Variants in POU2F1 observed in about 807,000 individuals in gnomAD.
POU2F1 encodes POU class 2 homeobox 1, also known as POU domain, class 2, transcription factor 1.
Under a neutral mutation model 84.9 loss-of-function variants are expected in POU2F1, and 16 were observed. That is an observed-to-expected ratio of 0.19 (90% CI 0.13 to 0.29). The LOEUF (loss-of-function observed/expected upper bound fraction) is 0.29, where lower values mean the gene tolerates loss of function less well. Ranked by LOEUF, POU2F1 falls within the 10% of genes least tolerant of loss-of-function variation. The probability of loss-of-function intolerance (pLI) is 1.00; values close to 1 mark genes in which losing one functional copy is unlikely to be tolerated. For synonymous variants in POU2F1, 368 were observed against 368.3 expected (o/e 1.00, Z 0.01); for missense variants, 738 against 942.6 (o/e 0.78, Z 2.84).
chr1:167,242,902 CA>C (rs2102377599), intron 1 of POU2F1, among the ~76,000 whole-genome samples: 1 of 152,276 alleles, frequency 6.6e-6, no homozygotes, highest in South Asian at 2.1e-4. Flanking sequence ...TGTATACAGA[CA>C]TACGTATATT....
rs191851777 is a variant in POU2F1, at chr1:167,301,713, C to A, written c.62-30757C>A. 3.4e-3 allele frequency among the ~76,000 whole-genome samples: 515 copies of A among 152,292 alleles called. 7 individuals carry two copies. Among genetic ancestry groups the A allele is most frequent in the Non-Finnish European group, 5.6e-3 (384 of 68,000 alleles). ...TGGAAGGGTGGGTAGGTTTTTCTTA[C>A]TCCTTACAGTTCCTGGTTGGGAGGG... On this transcript the variant is annotated intron_variant, in intron 1 of 15. Coordinates refer to ENST00000367866, the MANE Select transcript of POU2F1 (RefSeq NM_002697.4).
rs772274978 is a variant in POU2F1 at position 167,371,954 on chromosome 1, C to T, written c.320C>T (p.Pro107Leu). The T allele has an allele frequency of 6.2e-7, 1 of 1,614,180 alleles. No individual in the cohort carries two copies. Among genetic ancestry groups the T allele is most frequent in the Non-Finnish European group, 8.5e-7 (1 of 1,180,026 alleles). Reference protein sequence around the residue: ...SNEESGDSQQPSQPSQQPSVQ... With the variant: ...SNEESGDSQQLSQPSQQPSVQ... ...GAAGAATCGGGGGATTCGCAGCAGC[C>T]AAGCCAGCCTTCCCAGCAGCCTTCA... The change falls in exon 5 of 16, where the codon CCA becomes CTA. Residue 107 changes from proline (P) to leucine (L), a missense_variant. Transcript: ENST00000367866.
chr1:167,247,741 C>T (rs1398457738), intron 1 of POU2F1, among the ~76,000 whole-genome samples: 2 of 152,116 alleles, frequency 1.3e-5, no homozygotes, highest in African/African-American at 2.4e-5. Context: ...TTGGAAAAGA[C>T]AAACCTAGCT....
chr1:167,417,008 A>G lies in POU2F1; in HGVS notation c.*1198A>G, dbSNP rs1157866443. 6.6e-6 allele frequency: 1 copy of G among 152,210 alleles called. No individual in the cohort carries two copies. The highest frequency in any genetic ancestry group is 2.4e-5 in the African/African-American group (1 of 41,446). 9.4% of individuals were successfully genotyped at this position (152,210 alleles called of 1,614,324 possible). A position where few individuals can be genotyped will look rare whatever the true frequency, so the allele number is the denominator to read the frequency against. Reference sequence around the variant, plus strand: ...CTTTAACTAACTTGGCAAAGAAAAAAAACTGACTTACTGAAATTGGGAAAC... The same window carrying G: ...CTTTAACTAACTTGGCAAAGAAAAAGAACTGACTTACTGAAATTGGGAAAC... On this transcript the variant is annotated 3_prime_UTR_variant, in exon 16 of 16. Coordinates refer to ENST00000367866, the MANE Select transcript of POU2F1 (RefSeq NM_002697.4).
At chr1:167,311,052 G>T (rs183661305) in intron 1 of POU2F1, among the ~76,000 whole-genome samples, 6 of 152,184 alleles carry the variant, frequency 3.9e-5, no homozygotes, top group Non-Finnish European at 8.8e-5. Context: ...AGAGGGTAGG[G>T]CTGAAAAGTA....
chr1:167,393,546 T>C (rs1194703875), intron 9 of POU2F1, among the ~76,000 whole-genome samples: 1 of 152,164 alleles, frequency 6.6e-6, no homozygotes, highest in Non-Finnish European at 1.5e-5. Context: ...TGGCTCTGGC[T>C]GGAGTGCAGT....
At chr1:167,375,898 G>A (rs1284776007) in intron 6 of POU2F1, 131 bp from the exon 7 acceptor site, 4 of 1,144,828 alleles carry the variant, frequency 3.5e-6, no homozygotes, top group Non-Finnish European at 3.7e-6. Context: ...ACCCTGTTTG[G>A]AATATGAAAG....
intron 1 of POU2F1, among the ~76,000 whole-genome samples, chr1:167,265,521 G>A (rs950815868): frequency 6.6e-6 from 1 of 152,192 alleles, no homozygotes; most frequent in East Asian, 1.9e-4. Flanking sequence ...AGCATGTGGT[G>A]AAGGTTAAAG....
chr1:167,413,074 C>T lies in POU2F1; in HGVS notation c.1950C>T (p.Ser650=). Residue 650 remains serine (S), a synonymous_variant, in exon 15 of 16, where the codon AGC becomes AGT. Transcript: ENST00000367866. ...LNPGTLSGAL[S]PALMSNSTLA... The stretch of plus-strand genomic sequence containing the variant: ...CAGGGACCCTGAGCGGTGCTCTCAG[C>T]CCAGCTCTAATGAGCAACAGTACAC... 6.2e-7 allele frequency: 1 copy of T among 1,614,042 alleles called. No individual in the cohort carries two copies. Among genetic ancestry groups the T allele is most frequent in the Non-Finnish European group, 8.5e-7 (1 of 1,179,948 alleles).
At chr1:167,383,972 G>A (rs769283300) in intron 8 of POU2F1, 21 bp downstream of exon 8, 3 of 1,576,412 alleles carry the variant, frequency 1.9e-6, no homozygotes, top group South Asian at 1.1e-5. Flanking sequence ...TTCTATGGGG[G>A]CTGCTTTCTC....
chr1:167,386,518 C>T (rs572943697), intron 8 of POU2F1, among the ~76,000 whole-genome samples: 1 of 152,262 alleles, frequency 6.6e-6, no homozygotes, highest in East Asian at 1.9e-4. Flanking sequence ...TGTGCATGTA[C>T]CTTGTGACCC....
Position 167,222,940 on chromosome 1 carries a change from G to A in POU2F1, c.61+1982G>A, listed in dbSNP as rs1648348719. On this transcript the variant is annotated intron_variant, in intron 1 of 15. Transcript: ENST00000367866. ...CTTTAAGGCTTTGTAAAGGTCTGTA[G>A]TATTTGTAAAACTGACACTTTTTTT... Among the ~76,000 whole-genome samples the A allele has an allele frequency of 2.0e-5, 3 of 152,116 alleles. No homozygotes were observed. The South Asian group carries it at 6.2e-4, about 31-fold the overall frequency.
At chr1:167,409,994 G>A (rs544788246) in intron 13 of POU2F1, among the ~76,000 whole-genome samples, 2 of 152,108 alleles carry the variant, frequency 1.3e-5, no homozygotes, top group African/African-American at 2.4e-5. Context: ...AGCGAAAAAG[G>A]GTATATGAAT....
At chr1:167,289,161 CAT>C (rs139814843) in intron 1 of POU2F1, among the ~76,000 whole-genome samples, 12 of 152,222 alleles carry the variant, frequency 7.9e-5, no homozygotes, top group East Asian at 5.8e-4. Context: ...GGTCTGAGCA[CAT>C]GTTTCTTTTT....
At chr1:167,274,434 C>G (rs1227608680) in intron 1 of POU2F1, among the ~76,000 whole-genome samples, 3 of 152,080 alleles carry the variant, frequency 2.0e-5, no homozygotes, top group African/African-American at 4.8e-5. Context: ...TTCTTTCCTT[C>G]TAGGTCTTTT....
At chr1:167,294,181 A>G (rs1173285082) in intron 1 of POU2F1, among the ~76,000 whole-genome samples, 1 of 144,152 alleles carries the variant, frequency 6.9e-6, no homozygotes, top group Non-Finnish European at 1.5e-5. Flanking sequence ...ACAAAAAAAA[A>G]AAAAAAAAAA....
At chr1:167,376,257 A>C (rs1036641229) in intron 7 of POU2F1, 102 bp downstream of exon 7, 3 of 1,253,960 alleles carry the variant, frequency 2.4e-6, no homozygotes, top group Non-Finnish European at 3.2e-6. Context: ...CTATTAGACC[A>C]ATGTTTTTAT....
At chr1:167,406,424 A>G (rs1482640904) in intron 13 of POU2F1, among the ~76,000 whole-genome samples, 3 of 152,214 alleles carry the variant, frequency 2.0e-5, no homozygotes, top group African/African-American at 7.2e-5. Flanking sequence ...CTTAATGGCA[A>G]AAGACTGAAT....
chr1:167,348,683 A>G lies in POU2F1; in HGVS notation c.127+16148A>G, dbSNP rs78792025. On this transcript the variant is annotated intron_variant, in intron 2 of 15. Transcript: ENST00000367866. ...AATATCTTGTAATAATGAGATGAGAATGGGCAATAATAAATTGTGTTTACA... is the reference window on the plus strand; with the variant it reads ...AATATCTTGTAATAATGAGATGAGAGTGGGCAATAATAAATTGTGTTTACA... 5.9e-3 allele frequency among the ~76,000 whole-genome samples: 901 copies of G among 152,304 alleles called. 18 individuals carry two copies. The highest frequency in any genetic ancestry group is 0.042 in the Admixed American group (638 of 15,292).
Sources: allele counts gnomAD v4.1 joint callset (sites outside exome capture counted in the v4.1 genomes callset), GRCh38; gene constraint gnomAD v4.1.1; transcripts MANE v1.5; gene names NCBI Gene and HGNC (gene_info 2026-07-23, HGNC 2026-07-21).